The following NAA30 variants were observed in gnomAD, a reference collection of about 807,000 sequenced individuals.
The protein encoded by NAA30 is N-alpha-acetyltransferase 30, NatC catalytic subunit, also known as N-alpha-acetyltransferase 30.
A neutral mutation model predicts 31.4 loss-of-function variants in NAA30; 5 were observed. The observed-to-expected ratio is 0.16, with a 90% CI of 0.08 to 0.33. NAA30 has a LOEUF of 0.33. Among genes scored for constraint, NAA30 ranks in the 10% least tolerant of loss-of-function variants. The probability of loss-of-function intolerance (pLI) is 1.00; values close to 1 mark genes in which losing one functional copy is unlikely to be tolerated. For synonymous variants in NAA30, 222 were observed against 207.1 expected, an observed-to-expected ratio of 1.07 and a Z score of -0.62; for missense variants, 428 against 490.8, an observed-to-expected ratio of 0.87 and a Z score of 1.21.
In NAA30 at chr14:57,391,124, C is replaced by A; in HGVS notation, c.167C>A (p.Pro56Gln). 6.4e-7 allele frequency: 1 copy of A among 1,570,864 alleles called. No homozygotes were observed. The highest frequency in any genetic ancestry group is 8.6e-7 in the Non-Finnish European group (1 of 1,162,340). ...EEHEGGGSRSPAGGESATVAA... is the reference protein window; with the variant it reads ...EEHEGGGSRSQAGGESATVAA... Reference sequence around the variant, plus strand: ...CACGAAGGCGGCGGCAGCAGGAGCCCGGCGGGCGGAGAGTCGGCGACGGTG... The same window carrying A: ...CACGAAGGCGGCGGCAGCAGGAGCCAGGCGGGCGGAGAGTCGGCGACGGTG... Residue 56 changes from proline (P) to glutamine (Q), a missense_variant, in exon 2 of 5, where the codon CCG becomes CAG. Transcript: ENST00000556492. The surrounding 1 kb of genome is among the most constrained non-coding windows in gnomAD (Gnocchi z 4.1).
In NAA30 at chr14:57,390,623, G is replaced by T; in HGVS notation, c.-84G>T. 3.0e-6 allele frequency: 1 copy of T among 337,656 alleles called. No individual in the cohort carries two copies. The allele number at this position is 337,656 out of a possible 1,614,324, so 20.9% of individuals were successfully genotyped here. A position where few individuals can be genotyped will look rare whatever the true frequency, so the allele number is the denominator to read the frequency against. ...GCTGAGTGAGAACCTTGGCGGCTGT[G>T]GAGGCTGCCGCGGCTGCGAAGGAGG... On this transcript the variant is annotated 5_prime_UTR_variant, in exon 1 of 5. Coordinates refer to ENST00000556492, the MANE Select transcript of NAA30 (RefSeq NM_001011713.3).
intron 4 of NAA30, among the ~76,000 whole-genome samples, chr14:57,407,901 G>A (rs1388956723): frequency 6.6e-6 from 1 of 152,132 alleles, no homozygotes; most frequent in Admixed American, 6.5e-5. Flanking sequence ...AGAGATTTAA[G>A]AGGGAGAATT....
intron 4 of NAA30, among the ~76,000 whole-genome samples, chr14:57,403,558 C>T (rs977562299): frequency 3.9e-5 from 6 of 152,096 alleles, no homozygotes; most frequent in African/African-American, 1.4e-4. Flanking sequence ...AAAATTTTTT[C>T]ATTTTCTATG....
At chr14:57,403,234 G>GAAAA (rs11406655) in intron 4 of NAA30, among the ~76,000 whole-genome samples, 2 of 136,510 alleles carry the variant, frequency 1.5e-5, no homozygotes, top group African/African-American at 2.8e-5. Flanking sequence ...TCCGTGGCCG[G>GAAAA]AAAAAAAAAA....
At chr14:57,398,612 C>G (rs965589392) in intron 3 of NAA30, among the ~76,000 whole-genome samples, 1 of 149,338 alleles carries the variant, frequency 6.7e-6, no homozygotes, top group Admixed American at 6.8e-5. Context: ...CACACACCAC[C>G]ACACCCAGCT....
In NAA30 at chr14:57,413,096, A is replaced by T. The variant is rs1594755123; in HGVS notation, c.*3580A>T. The T allele has an allele frequency of 6.6e-6, 1 of 152,136 alleles. No individual in the cohort carries two copies. The highest frequency in any genetic ancestry group is 1.5e-5 in the Non-Finnish European group (1 of 68,018). 9.4% of individuals were successfully genotyped at this position (152,136 alleles called of 1,614,324 possible). A position where few individuals can be genotyped will look rare whatever the true frequency, so the allele number is the denominator to read the frequency against. ...TTTTAATTTACTTTTTTGTCTGTAC[A>T]CTGCCACTCTGTAATGTTCCCCCCA... On this transcript the variant is annotated 3_prime_UTR_variant, in exon 5 of 5. Transcript: ENST00000556492.
At chr14:57,396,671 T>G in intron 2 of NAA30, 81 bp from the exon 3 acceptor site, 2 of 1,450,582 alleles carry the variant, frequency 1.4e-6, no homozygotes, top group Non-Finnish European at 1.9e-6. Context: ...TGCTTACCAA[T>G]GGTTGGTTGT....
intron 2 of NAA30, among the ~76,000 whole-genome samples, chr14:57,392,805 A>G (rs1594749068): frequency 6.6e-6 from 1 of 152,320 alleles, no homozygotes; most frequent in African/African-American, 2.4e-5. Flanking sequence ...TATTTTGACA[A>G]TACTTATCTT....
At chr14:57,397,033 TA>T (rs2066453634) in intron 3 of NAA30, among the ~76,000 whole-genome samples, 158 bp downstream of exon 3, 1 of 152,256 alleles carries the variant, frequency 6.6e-6, no homozygotes, top group Admixed American at 6.5e-5. Context: ...ATGGTATTTT[TA>T]AAAAGTTCTT....
At chr14:57,403,998 TTTTGTTTTGTTTTGTTTG>T (rs1392113017) in intron 4 of NAA30, among the ~76,000 whole-genome samples, 1 of 152,018 alleles carries the variant, frequency 6.6e-6, no homozygotes, top group African/African-American at 2.4e-5. Context: ...GTTGTTTTTG[TTTTGTTTTGTTTTGTTTG>T]TTTGTTTTGT....
At position 57,391,425 on chromosome 14, in the gene NAA30, A is replaced by AGCGGCGGCGAGCGATCCC. The variant is rs1215328347; in HGVS notation, c.477_494dup (p.Ser160_Ala165dup). ...CTGCGGTCCCCAGCCCGGTGGAGGCAGCGGCGGCGAGCGATCCCGCGGCGG... is the reference window on the plus strand; with the variant it reads ...CTGCGGTCCCCAGCCCGGTGGAGGCAGCGGCGGCGAGCGATCCCGCGGCGGCGAGCGATCCCGCGGCGG... On this transcript the variant is annotated inframe_insertion, in exon 2 of 5. Coordinates refer to ENST00000556492, the MANE Select transcript of NAA30 (RefSeq NM_001011713.3). This position sits in a 1 kb window ranked among gnomAD's most constrained non-coding sequence, Gnocchi z 4.1. 21 of 1,605,546 alleles carry AGCGGCGGCGAGCGATCCC rather than the reference A, an allele frequency of 1.3e-5. No individual in the cohort carries two copies. Among genetic ancestry groups the AGCGGCGGCGAGCGATCCC allele is most frequent in the Admixed American group, 1.7e-5 (1 of 58,328 alleles).
rs183099750 is a variant in NAA30, at chr14:57,398,540, C to T, written c.896-1288C>T. 3.4e-3 allele frequency among the ~76,000 whole-genome samples: 517 copies of T among 152,310 alleles called. 4 individuals are homozygous for T. Among genetic ancestry groups the T allele is most frequent in the African/African-American group, 0.012 (495 of 41,554 alleles). On this transcript the variant is annotated intron_variant, in intron 3 of 4. Transcript: ENST00000556492. ...TGGTGTGATCCCGGCTCACTGCAAC[C>T]TCTAGCACCTAGATTCAAGCAATTC...
At position 57,413,993 on chromosome 14, in the gene NAA30, C is replaced by G. The variant is rs913490913; in HGVS notation, c.*4477C>G. On this transcript the variant is annotated 3_prime_UTR_variant, in exon 5 of 5. Transcript: ENST00000556492. ...CTGAAGTGTGGGTGGGATGATTGAG[C>G]TGAATTTGTAATTTTAATCAAAGTT... 4 of 152,146 alleles carry G rather than the reference C, an allele frequency of 2.6e-5. No individual in the cohort carries two copies. Among genetic ancestry groups the G allele is most frequent in the Non-Finnish European group, 4.4e-5 (3 of 68,060 alleles). 9.4% of individuals were successfully genotyped at this position (152,146 alleles called of 1,614,324 possible).
rs1594754268 is a variant in NAA30 at position 57,409,745 on chromosome 14, T to A, written c.*229T>A. 2.6e-6 allele frequency: 1 copy of A among 380,144 alleles called. No individual in the cohort carries two copies. The highest frequency in any genetic ancestry group is 4.0e-5 in the East Asian group (1 of 24,914). 23.5% of individuals were successfully genotyped at this position (380,144 alleles called of 1,614,324 possible). On this transcript the variant is annotated 3_prime_UTR_variant, in exon 5 of 5. Coordinates refer to ENST00000556492, the MANE Select transcript of NAA30 (RefSeq NM_001011713.3). Reference sequence around the variant, plus strand: ...GAGTTCTTTTGGTACCAACAAGATGTGCCAGTTGATAGCCAAGATTTATGT... The same window carrying A: ...GAGTTCTTTTGGTACCAACAAGATGAGCCAGTTGATAGCCAAGATTTATGT...
rs2066526686 is a variant in NAA30, at chr14:57,412,222, A to G, written c.*2706A>G. The stretch of plus-strand genomic sequence containing the variant: ...AGTTTTTGAAGTTGAAACCAGCAAA[A>G]TAAGAAAAAATAAAAAATCGATTTT... On this transcript the variant is annotated 3_prime_UTR_variant, in exon 5 of 5. Coordinates refer to ENST00000556492, the MANE Select transcript of NAA30 (RefSeq NM_001011713.3). 1 of 152,176 alleles carries G rather than the reference A, an allele frequency of 6.6e-6. No individual in the cohort carries two copies. Among genetic ancestry groups the G allele is most frequent in the African/African-American group, 2.4e-5 (1 of 41,436 alleles). 9.4% of individuals were successfully genotyped at this position (152,176 alleles called of 1,614,324 possible).
chr14:57,391,140 G>A lies in NAA30; in HGVS notation c.183G>A (p.Ser61=). 1.3e-6 allele frequency: 2 copies of A among 1,584,646 alleles called. No individual in the cohort carries two copies. The highest frequency in any genetic ancestry group is 8.6e-7 in the Non-Finnish European group (1 of 1,169,108). ...GGSRSPAGGE[S]ATVAAKGHPC... is the part of the protein sequence containing the mutation. ...GCAGGAGCCCGGCGGGCGGAGAGTCGGCGACGGTGGCGGCCAAGGGGCATC... is the reference window on the plus strand; with the variant it reads ...GCAGGAGCCCGGCGGGCGGAGAGTCAGCGACGGTGGCGGCCAAGGGGCATC... Residue 61 remains serine, a synonymous_variant, in exon 2 of 5, where the codon TCG becomes TCA. Coordinates refer to ENST00000556492, the MANE Select transcript of NAA30 (RefSeq NM_001011713.3). The surrounding 1 kb of genome is among the most constrained non-coding windows in gnomAD (Gnocchi z 4.1).
chr14:57,408,830 A>G (rs886195982), intron 4 of NAA30, among the ~76,000 whole-genome samples: 1 of 152,214 alleles, frequency 6.6e-6, no homozygotes. Flanking sequence ...ACAAATAAAC[A>G]TGGCTGTTTG....
chr14:57,411,025 A>G lies in NAA30; in HGVS notation c.*1509A>G, dbSNP rs1221431485. On this transcript the variant is annotated 3_prime_UTR_variant, in exon 5 of 5. Coordinates refer to ENST00000556492, the MANE Select transcript of NAA30 (RefSeq NM_001011713.3). ...TTTTAAAAACCCTACCTCCATTAAC[A>G]GTTGGTAAAGGCCCCTTTTCAGGAA... is the stretch of plus-strand genomic sequence containing the variant. The G allele has an allele frequency of 6.8e-6, 1 of 147,664 alleles. No individual in the cohort carries two copies. Among genetic ancestry groups the G allele is most frequent in the Non-Finnish European group, 1.5e-5 (1 of 67,174 alleles). The allele number at this position is 147,664 out of a possible 1,614,324, so 9.1% of individuals were successfully genotyped here. A position where few individuals can be genotyped will look rare whatever the true frequency, so the allele number is the denominator to read the frequency against.
At chr14:57,400,110 T>C (rs1401837247) in intron 4 of NAA30, among the ~76,000 whole-genome samples, 1 of 152,168 alleles carries the variant, frequency 6.6e-6, no homozygotes, top group Non-Finnish European at 1.5e-5. Context: ...ATCTTAGACA[T>C]TTTCAGTACA....
Sources: allele counts gnomAD v4.1 joint callset (sites outside exome capture counted in the v4.1 genomes callset), GRCh38; gene constraint gnomAD v4.1.1; non-coding constraint Gnocchi (gnomAD v3.1); transcripts MANE v1.5; gene names NCBI Gene and HGNC (gene_info 2026-07-23, HGNC 2026-07-21).